The following FADS6 variants were observed in gnomAD, a reference collection of about 807,000 sequenced individuals.
The protein encoded by FADS6 is fatty acid desaturase domain family, member 6.
FADS6 carries 28 observed loss-of-function variants against 31.7 expected under a neutral mutation model. The ratio of observed to expected loss-of-function variants is 0.88; its 90% CI spans 0.66 to 1.21. FADS6 has a LOEUF of 1.21. Among genes scored for constraint, FADS6 ranks in the 50% most tolerant of loss-of-function variants. FADS6 has a pLI of 0.00. For missense variants in FADS6, 494 were observed against 504.2 expected, an observed-to-expected ratio of 0.98 and a Z score of 0.19; for synonymous variants, 191 against 213.1, an observed-to-expected ratio of 0.90 and a Z score of 0.90.
chr17:74,888,168 G>A (rs689764), intron 2 of FADS6, among the ~76,000 whole-genome samples: 1,916 of 144,142 alleles, frequency 0.013, 60 homozygotes, highest in African/African-American at 0.048. Context: ...GCGCGCGCGC[G>A]CGCGCAGAGT....
intron 2 of FADS6, among the ~76,000 whole-genome samples, chr17:74,888,816 C>T (rs2038658880): frequency 6.6e-6 from 1 of 152,196 alleles, no homozygotes; most frequent in African/African-American, 2.4e-5. Context: ...AGCTTCGGGG[C>T]TTAAATTACG....
At chr17:74,879,127 C>T (rs2144704087) in intron 5 of FADS6, 2 of 379,904 alleles carry the variant, frequency 5.3e-6, no homozygotes, top group Middle Eastern at 7.5e-4. Flanking sequence ...CAGCCTCAAC[C>T]TCTGCAGACT....
At chr17:74,882,950 G>T in intron 2 of FADS6, 1 of 1,132,168 alleles carries the variant, frequency 8.8e-7, no homozygotes, top group South Asian at 1.6e-5. Flanking sequence ...AGCATTTGGG[G>T]GTGGGAGGCT....
At chr17:74,875,609 A>T (rs2144698117), downstream of FADS6, among the ~76,000 whole-genome samples, 1 of 152,340 alleles carries the variant, frequency 6.6e-6, no homozygotes, top group South Asian at 2.1e-4. Flanking sequence ...GTCATTGGTT[A>T]TGTATTTGGA....
intron 4 of FADS6, among the ~76,000 whole-genome samples, chr17:74,880,674 C>G (rs978194111): frequency 6.6e-6 from 1 of 152,138 alleles, no homozygotes. Context: ...GAAACCAAAA[C>G]TCGAATGATC....
At chr17:74,888,158 G>GCA (rs1388141999) in intron 2 of FADS6, among the ~76,000 whole-genome samples, 1 of 70,592 alleles carries the variant, frequency 1.4e-5, no homozygotes, top group Non-Finnish European at 2.7e-5. Flanking sequence ...ACACACACGC[G>GCA]CGCGCGCGCG....
chr17:74,883,712 A>G (rs2038596643), intron 2 of FADS6, among the ~76,000 whole-genome samples: 2 of 152,128 alleles, frequency 1.3e-5, no homozygotes, highest in African/African-American at 4.8e-5. Context: ...CCCAGGCTTG[A>G]GTGCAGTGGT....
At chr17:74,884,299 G>A (rs1045838161) in intron 2 of FADS6, among the ~76,000 whole-genome samples, 9 of 152,294 alleles carry the variant, frequency 5.9e-5, no homozygotes, top group Admixed American at 1.3e-4. Flanking sequence ...AGACTTGTAC[G>A]CTCCCTGAGC....
chr17:74,882,408 G>T, intron 3 of FADS6, 122 bp downstream of exon 3: 2 of 1,163,436 alleles, frequency 1.7e-6, no homozygotes, highest in Non-Finnish European at 2.4e-6. Context: ...TTGCCATGCT[G>T]TCTCAGCACG....
intron 4 of FADS6, among the ~76,000 whole-genome samples, chr17:74,880,387 C>G (rs2144706705): frequency 6.6e-6 from 1 of 152,134 alleles, no homozygotes; most frequent in South Asian, 2.1e-4. Flanking sequence ...TGGAGTCTCA[C>G]TGTGTCCCCC....
chr17:74,882,677 G>A lies in FADS6; in HGVS notation c.445C>T (p.His149Tyr), dbSNP rs2038584667. ...CTAFTAEHAT[H>Y]GHVKMHHAYT... ...GCATGGTGCATCTTGACGTGCCCAT[G>A]CGTGGCGTGCTCTGCAGTGAAGGCT... Residue 149 changes from histidine to tyrosine, a missense_variant, in exon 3 of 6, where the codon CAT becomes TAT. Coordinates refer to ENST00000612771, the MANE Select transcript of FADS6 (RefSeq NM_178128.6). 1 of 1,611,086 alleles carries A rather than the reference G, an allele frequency of 6.2e-7. No homozygotes were observed. Among genetic ancestry groups the A allele is most frequent in the Non-Finnish European group, 8.5e-7 (1 of 1,179,038 alleles).
chr17:74,879,599 G>A lies in FADS6; in HGVS notation c.781-16C>T, dbSNP rs544027756. 1.1e-5 allele frequency: 17 copies of A among 1,603,102 alleles called. No individual in the cohort carries two copies. The South Asian group carries it at 1.7e-4, about 16-fold the overall frequency. On this transcript the variant is annotated splice_polypyrimidine_tract_variant and intron_variant, in intron 4 of 5. Transcript: ENST00000612771. ...GTCCGATGTGCTGTGACAGACACGT[G>A]GGTCACGCCGGGCAGCCTGGACCTC...
rs2038516742 is a variant in FADS6, at chr17:74,877,383, G to C, written c.*948C>G. The C allele has an allele frequency of 6.6e-6, 1 of 151,358 alleles. No individual in the cohort carries two copies. The highest frequency in any genetic ancestry group is 1.5e-5 in the Non-Finnish European group (1 of 67,804). The allele number at this position is 151,358 out of a possible 1,614,324, so 9.4% of individuals were successfully genotyped here. On this transcript the variant is annotated 3_prime_UTR_variant, in exon 6 of 6. Coordinates refer to ENST00000612771, the MANE Select transcript of FADS6 (RefSeq NM_178128.6). ...GAGTCTCGCTCTGTCACCCAGGCTGGAATGCAATGGTGCAATCTTGGCTCA... is the reference window on the plus strand; with the variant it reads ...GAGTCTCGCTCTGTCACCCAGGCTGCAATGCAATGGTGCAATCTTGGCTCA...
chr17:74,892,776 A>G, intron 1 of FADS6, 87 bp from the exon 2 acceptor site: 11 of 1,357,050 alleles, frequency 8.1e-6, no homozygotes, highest in Non-Finnish European at 1.1e-5. Flanking sequence ...CTGGGAGCCC[A>G]GGCTAAAGTG....
intron 4 of FADS6, 100 bp from the exon 5 acceptor site, chr17:74,879,683 C>T (rs1807924711): frequency 7.7e-7 from 1 of 1,298,200 alleles, no homozygotes; most frequent in African/African-American, 1.5e-5. Context: ...TTGTGTCACC[C>T]ACCTCCCATG....
chr17:74,878,562 C>T, intron 5 of FADS6, 85 bp from the exon 6 acceptor site: 1 of 1,502,398 alleles, frequency 6.7e-7, no homozygotes, highest in Non-Finnish European at 9.1e-7. Context: ...GGGACATCAT[C>T]TTCCCACCCC....
intron 2 of FADS6, among the ~76,000 whole-genome samples, chr17:74,883,497 C>G (rs1319772494): frequency 6.6e-6 from 1 of 152,116 alleles, no homozygotes; most frequent in East Asian, 1.9e-4. Flanking sequence ...TTCCCAATAC[C>G]AGTCACTGCA....
At chr17:74,885,857 A>T (rs2144716732) in intron 2 of FADS6, among the ~76,000 whole-genome samples, 1 of 152,264 alleles carries the variant, frequency 6.6e-6, no homozygotes, top group Non-Finnish European at 1.5e-5. Flanking sequence ...CTGTTTGTTT[A>T]AAAACTAAAT....
rs750470599 is a variant in FADS6 at position 74,893,446 on chromosome 17, C to G, written c.150G>C (p.Val50=). 6.3e-7 allele frequency: 1 copy of G among 1,588,448 alleles called. No individual in the cohort carries two copies. The highest frequency in any genetic ancestry group is 1.1e-5 in the South Asian group (1 of 87,308). The change falls in exon 1 of 6, where the codon GTG becomes GTC. Residue 50 remains valine (V), a synonymous_variant. Coordinates refer to ENST00000612771, the MANE Select transcript of FADS6 (RefSeq NM_178128.6). ...GGEALLRELE[V]LVQDVVRTSS... The stretch of plus-strand genomic sequence containing the variant: ...TCGTCCTCACCACGTCCTGCACCAG[C>G]ACCTCCAGCTCCCGCAGCAGCGCCT...
Sources: gnomAD v4.1 joint callset for allele counts (sites outside exome capture counted in the v4.1 genomes callset) on GRCh38, gnomAD v4.1.1 for gene constraint, MANE v1.5 for transcripts, NCBI Gene and HGNC (gene_info 2026-07-23, HGNC 2026-07-21) for gene names.